ZNF433: variants seen among roughly 807,000 people sequenced by gnomAD.
The protein encoded by ZNF433 is zinc finger protein 433.
A neutral mutation model predicts 10.6 loss-of-function variants in ZNF433; 12 were observed. The ratio of observed to expected loss-of-function variants is 1.13; its 90% CI spans 0.72 to 1.83. ZNF433 has a LOEUF of 1.83. Among genes scored for constraint, ZNF433 ranks in the 40% most tolerant of loss-of-function variants. The pLI, the probability that ZNF433 is intolerant of heterozygous loss-of-function variation, is 0.00. For synonymous variants in ZNF433, 272 were observed against 271.3 expected, an observed-to-expected ratio of 1.00 and a Z score of -0.02; for missense variants, 737 against 798.0, an observed-to-expected ratio of 0.92 and a Z score of 0.92.
chr19:12,018,026 T>C, intron 2 of ZNF433, 90 bp from the exon 3 acceptor site: 1 of 1,291,662 alleles, frequency 7.7e-7, no homozygotes, highest in Non-Finnish European at 1.1e-6. Context: ...ACTGCAAGCA[T>C]GCTTCCTTTA....
chr19:12,022,232 C>A, intron 1 of ZNF433: 1 of 325,370 alleles, frequency 3.1e-6, no homozygotes, highest in Non-Finnish European at 6.4e-6. Context: ...GCCTTAAGGA[C>A]GTGTTCCTGC....
At position 12,033,120 on chromosome 19, in the gene ZNF433, G is replaced by A. The variant is rs186151637; in HGVS notation, c.3+2417C>T. ...TTTTTTTCCCCTCTCTTGAGACAGA[G>A]TCTCACTCACTTGCCCAGGCTGGAG... is the stretch of plus-strand genomic sequence containing the variant. On this transcript the variant is annotated intron_variant, in intron 1 of 3. Transcript: ENST00000550507. 2.0e-5 allele frequency among the ~76,000 whole-genome samples: 3 copies of A among 151,662 alleles called. No individual in the cohort carries two copies. In the East Asian group the frequency reaches 5.9e-4, roughly 30 times the overall value.
At position 12,016,224 on chromosome 19, in the gene ZNF433, T is replaced by C; in HGVS notation, c.634A>G (p.Ile212Val). 6.2e-7 allele frequency: 1 copy of C among 1,614,234 alleles called. No homozygotes were observed. Among genetic ancestry groups the C allele is most frequent in the Non-Finnish European group, 8.5e-7 (1 of 1,180,034 alleles). ...TCTCCAGTGTGAGTTCGTTTGTGGATAAGATACAAACTGAGAAACATCAAG... is the reference window on the plus strand; with the variant it reads ...TCTCCAGTGTGAGTTCGTTTGTGGACAAGATACAAACTGAGAAACATCAAG... ...KALMFLSLYL[I>V]HKRTHTGEKP... The change falls in exon 4 of 4, where the codon ATC becomes GTC. Residue 212 changes from isoleucine (I) to valine (V), a missense_variant. Coordinates refer to ENST00000550507, the MANE Select transcript of ZNF433 (RefSeq NM_001308348.2).
In ZNF433 at chr19:12,018,160, C is replaced by T. The variant is rs1232073640; in HGVS notation, c.130+6G>A. The T allele has an allele frequency of 1.1e-5, 18 of 1,571,272 alleles. No homozygotes were observed. The highest frequency in any genetic ancestry group is 1.0e-4 in the Admixed American group (5 of 48,096). ...TTACTGAAGGAAGTAATGTTGTCAC[C>T]CTTACCTATAGAGGCCAGGTTCCTG... On this transcript the variant is annotated splice_donor_region_variant and intron_variant, in intron 2 of 3. Transcript: ENST00000550507.
At chr19:12,032,376 A>G (rs1433527988) in intron 1 of ZNF433, among the ~76,000 whole-genome samples, 1 of 152,160 alleles carries the variant, frequency 6.6e-6, no homozygotes, top group African/African-American at 2.4e-5. Context: ...AGTCCCTATA[A>G]CATCATTGGA....
chr19:12,017,223 G>A (rs1281142027), intron 3 of ZNF433, among the ~76,000 whole-genome samples: 5 of 151,904 alleles, frequency 3.3e-5, no homozygotes, highest in African/African-American at 1.2e-4. Context: ...GTTTTTTTGA[G>A]ATGGAGACTC....
intron 1 of ZNF433, among the ~76,000 whole-genome samples, chr19:12,031,498 C>G (rs1458081409): frequency 6.6e-6 from 1 of 151,688 alleles, no homozygotes; most frequent in Non-Finnish European, 1.5e-5. Context: ...AAAAAAAATA[C>G]AAAAATTAGC....
chr19:12,031,697 G>A (rs572826613), intron 1 of ZNF433, among the ~76,000 whole-genome samples: 85 of 151,876 alleles, frequency 5.6e-4, no homozygotes, highest in African/African-American at 2.0e-3. Context: ...AATAAGACAC[G>A]AAATCTTGGC....
intron 3 of ZNF433, 56 bp downstream of exon 3, chr19:12,017,820 C>A (rs1429307558): frequency 3.0e-5 from 27 of 896,028 alleles, no homozygotes; most frequent in Non-Finnish European, 3.8e-5. Flanking sequence ...TTAACATTTT[C>A]TCCCATTCTA....
At position 12,014,739 on chromosome 19, in the gene ZNF433, A is replaced by T; in HGVS notation, c.*106T>A. 1.2e-6 allele frequency: 1 copy of T among 842,378 alleles called. No homozygotes were observed. The highest frequency in any genetic ancestry group is 1.7e-6 in the Non-Finnish European group (1 of 575,706). The allele number at this position is 842,378 out of a possible 1,614,324, so 52.2% of individuals were successfully genotyped here. On this transcript the variant is annotated 3_prime_UTR_variant, in exon 4 of 4. Transcript: ENST00000550507. ...ATTACCACCAACTGGAAGTCTTTTT[A>T]TTTATTTATTTAATTTTTATAACAG...
chr19:12,018,001 C>A, intron 2 of ZNF433, 65 bp from the exon 3 acceptor site: 1 of 1,344,822 alleles, frequency 7.4e-7, no homozygotes, highest in Non-Finnish European at 1.0e-6. Flanking sequence ...TTACATGATT[C>A]TATGTTCATG....
intron 1 of ZNF433, among the ~76,000 whole-genome samples, chr19:12,031,040 G>A (rs955764756): frequency 6.6e-6 from 1 of 152,072 alleles, no homozygotes; most frequent in African/African-American, 2.4e-5. Context: ...GCTCACGCCT[G>A]TACTCCCAGC....
chr19:12,034,795 A>C (rs572315378), intron 1 of ZNF433: 3 of 453,082 alleles, frequency 6.6e-6, no homozygotes, highest in South Asian at 4.7e-5. Context: ...CCCCCCTTCC[A>C]CAGGTCCCGC....
At chr19:12,021,265 G>C (rs956447330) in intron 1 of ZNF433, among the ~76,000 whole-genome samples, 1 of 152,006 alleles carries the variant, frequency 6.6e-6, no homozygotes, top group Non-Finnish European at 1.5e-5. Context: ...ACAGCTGTGA[G>C]CCACTGCACC....
At chr19:12,025,437 A>G (rs797020406) in intron 1 of ZNF433, 11 of 152,366 alleles carry the variant, frequency 7.2e-5, no homozygotes, top group African/African-American at 2.4e-4. Context: ...CCTAGTTGCT[A>G]CTACAATATC....
chr19:12,035,257 A>G (rs1043566252), intron 1 of ZNF433, among the ~76,000 whole-genome samples: 7 of 152,114 alleles, frequency 4.6e-5, no homozygotes, highest in Non-Finnish European at 4.4e-5. Context: ...GTCCCCGCAC[A>G]ATGTGGGGAG....
rs1218404163 is a variant in ZNF433 at position 12,015,434 on chromosome 19, T to C, written c.1424A>G (p.Tyr475Cys). 1 of 1,614,100 alleles carries C rather than the reference T, an allele frequency of 6.2e-7. No homozygotes were observed. The highest frequency in any genetic ancestry group is 1.7e-5 in the Admixed American group (1 of 60,024). The stretch of plus-strand genomic sequence containing the variant: ...TGTTTTCCCATAACCCTTACATTCA[T>C]ACGGCTTCTCTTCTCTGTGCATCCT... Reference protein sequence around the residue: ...HERMHREEKPYECKGYGKTFS... With the variant: ...HERMHREEKPCECKGYGKTFS... Residue 475 changes from tyrosine (Y) to cysteine (C), a missense_variant, in exon 4 of 4, where the codon TAT becomes TGT. Physicochemically the swap from Tyr to Cys is radical, Grantham distance 194. Coordinates refer to ENST00000550507, the MANE Select transcript of ZNF433 (RefSeq NM_001308348.2).
chr19:12,018,182 C>T lies in ZNF433; in HGVS notation c.114G>A (p.Arg38=). The T allele has an allele frequency of 6.2e-7, 1 of 1,602,160 alleles. No individual in the cohort carries two copies. Among genetic ancestry groups the T allele is most frequent in the South Asian group, 1.1e-5 (1 of 89,214 alleles). ...LCRDVMQETF[R]NLASIGKKWK... ...CACCCTTACCTATAGAGGCCAGGTT[C>T]CTGAAGGTTTCTTGCATCACATCTC... Residue 38 remains arginine, a synonymous_variant, in exon 2 of 4, where the codon AGG becomes AGA. Coordinates refer to ENST00000550507, the MANE Select transcript of ZNF433 (RefSeq NM_001308348.2).
intron 3 of ZNF433, 65 bp downstream of exon 3, chr19:12,017,811 T>TTTAA: frequency 1.0e-6 from 1 of 977,610 alleles, no homozygotes; most frequent in Non-Finnish European, 1.5e-6. Flanking sequence ...TTTTTTTTTT[T>TTTAA]AACATTTTCT....
Sources: allele counts gnomAD v4.1 joint callset (sites outside exome capture counted in the v4.1 genomes callset), GRCh38; gene constraint gnomAD v4.1.1; transcripts MANE v1.5; gene names NCBI Gene and HGNC (gene_info 2026-07-23, HGNC 2026-07-21).